Variants in GRB2 observed in about 807,000 individuals in gnomAD.
The protein encoded by GRB2 is growth factor receptor-bound protein 2.
In GRB2, 2 loss-of-function variants were observed where a neutral mutation model predicts 27.4. The observed-to-expected ratio is 0.07, with a 90% CI of 0.03 to 0.23. The LOEUF (loss-of-function observed/expected upper bound fraction) is 0.23. Among genes scored for constraint, GRB2 ranks in the 10% least tolerant of loss-of-function variants. The pLI, the probability that GRB2 is intolerant of heterozygous loss-of-function variation, is 1.00. For synonymous variants in GRB2, 94 were observed against 99.6 expected, an observed-to-expected ratio of 0.94 and a Z score of 0.33; for missense variants, 102 against 282.4, an observed-to-expected ratio of 0.36 and a Z score of 4.58.
At chr17:75,384,585 G>A (rs1349523893) in intron 2 of GRB2, among the ~76,000 whole-genome samples, 2 of 152,102 alleles carry the variant, frequency 1.3e-5, no homozygotes, top group Non-Finnish European at 2.9e-5. Flanking sequence ...CAGGAGAATC[G>A]CTTGAACCCG....
chr17:75,339,488 T>C (rs1361676174), intron 2 of GRB2, among the ~76,000 whole-genome samples: 2 of 152,072 alleles, frequency 1.3e-5, no homozygotes, highest in Non-Finnish European at 2.9e-5. Context: ...TATATATATA[T>C]GTACAAGTCA....
At chr17:75,354,317 T>C (rs1457212589) in intron 2 of GRB2, among the ~76,000 whole-genome samples, 1 of 144,926 alleles carries the variant, frequency 6.9e-6, no homozygotes, top group African/African-American at 2.7e-5. Context: ...TGCAGTGCAA[T>C]GGTGCGATCT....
rs2078438550 is a variant in GRB2, at chr17:75,319,198, G to C, written c.*1170C>G. On this transcript the variant is annotated 3_prime_UTR_variant, in exon 6 of 6. Transcript: ENST00000316804. ...ACGCCTCACCTTCCACTCCTGCTTT[G>C]TCTCCTTTGCTCTACCCTGGCTCCC... 6.7e-6 allele frequency: 1 copy of C among 149,864 alleles called. No homozygotes were observed. Among genetic ancestry groups the C allele is most frequent in the African/African-American group, 2.5e-5 (1 of 40,592 alleles). 9.3% of individuals were successfully genotyped at this position (149,864 alleles called of 1,614,324 possible).
chr17:75,362,355 T>C (rs2078788495), intron 2 of GRB2, among the ~76,000 whole-genome samples: 1 of 152,234 alleles, frequency 6.6e-6, no homozygotes, highest in Non-Finnish European at 1.5e-5. Flanking sequence ...TATCTGTGCT[T>C]TATGCATGAA....
chr17:75,359,332 C>T (rs2078762616), intron 2 of GRB2, among the ~76,000 whole-genome samples: 1 of 151,040 alleles, frequency 6.6e-6, no homozygotes, highest in African/African-American at 2.4e-5. Context: ...AAAAGTGAGA[C>T]CCATGTCTAC....
rs2078436170 is a variant in GRB2 at position 75,318,957 on chromosome 17, G to A, written c.*1411C>T. 1 of 152,340 alleles carries A rather than the reference G, an allele frequency of 6.6e-6. No homozygotes were observed. Among genetic ancestry groups the A allele is most frequent in the African/African-American group, 2.4e-5 (1 of 41,344 alleles). 9.4% of individuals were successfully genotyped at this position (152,340 alleles called of 1,614,324 possible). A position where few individuals can be genotyped will look rare whatever the true frequency, so the allele number is the denominator to read the frequency against. ...AGGGGTGCATATAGGGAGGGGGCGGGGGCCACAACCCCCGAGACGGTGAGG... is the reference window on the plus strand; with the variant it reads ...AGGGGTGCATATAGGGAGGGGGCGGAGGCCACAACCCCCGAGACGGTGAGG... On this transcript the variant is annotated 3_prime_UTR_variant, in exon 6 of 6. Transcript: ENST00000316804.
intron 2 of GRB2, among the ~76,000 whole-genome samples, chr17:75,383,048 C>T (rs752871385): frequency 5.9e-5 from 9 of 152,266 alleles, no homozygotes; most frequent in African/African-American, 9.6e-5. Flanking sequence ...GGGAAAAACA[C>T]GCCTATTCTC....
At chr17:75,338,264 C>A (rs933277422) in intron 2 of GRB2, among the ~76,000 whole-genome samples, 5 of 152,036 alleles carry the variant, frequency 3.3e-5, no homozygotes, top group Non-Finnish European at 7.4e-5. Flanking sequence ...GGGGTTTCAC[C>A]ATGTTGGCCA....
intron 2 of GRB2, among the ~76,000 whole-genome samples, chr17:75,354,925 A>G (rs866434639): frequency 8.5e-5 from 13 of 152,318 alleles, no homozygotes; most frequent in South Asian, 4.1e-4. Context: ...GCACTTCGGG[A>G]GTCTCCCAAG....
chr17:75,390,952 ACAACTAATACCCT>A (rs2078994486), intron 2 of GRB2, among the ~76,000 whole-genome samples: 1 of 152,230 alleles, frequency 6.6e-6, no homozygotes, highest in Non-Finnish European at 1.5e-5. Context: ...GTTTTGGCTT[ACAACTAATACCCT>A]CAAGACGTCC....
At chr17:75,396,572 G>A (rs1387797874) in intron 1 of GRB2, among the ~76,000 whole-genome samples, 1 of 152,026 alleles carries the variant, frequency 6.6e-6, no homozygotes, top group African/African-American at 2.4e-5. Context: ...TGTAAAATGA[G>A]AATAATATCT....
intron 2 of GRB2, among the ~76,000 whole-genome samples, chr17:75,385,576 A>G (rs1311331164): frequency 2.0e-5 from 3 of 152,182 alleles, no homozygotes; most frequent in African/African-American, 7.2e-5. Flanking sequence ...GAAAAGAACA[A>G]AAGAACATAA....
intron 2 of GRB2, among the ~76,000 whole-genome samples, chr17:75,353,019 A>G (rs9898765): frequency 0.65 from 98,215 of 151,382 alleles, 38,214 homozygotes; most frequent in East Asian, 0.91. Flanking sequence ...CCCTGTCTCT[A>G]CTAAAAATAC....
chr17:75,324,027 G>C (rs1312498936), intron 4 of GRB2, among the ~76,000 whole-genome samples: 1 of 151,352 alleles, frequency 6.6e-6, no homozygotes, highest in Admixed American at 6.6e-5. Context: ...GGTCAGGCTG[G>C]TCTCAAACTC....
chr17:75,357,015 A>T (rs144953527), intron 2 of GRB2, among the ~76,000 whole-genome samples: 96 of 152,324 alleles, frequency 6.3e-4, no homozygotes, highest in African/African-American at 2.2e-3. Context: ...CCCAAATGGA[A>T]CACTTTTCAC....
chr17:75,368,470 C>G lies in GRB2; in HGVS notation c.78+25081G>C, dbSNP rs938380869. 4.4e-4 allele frequency among the ~76,000 whole-genome samples: 67 copies of G among 151,496 alleles called. No homozygotes were observed. In the Middle Eastern group the frequency reaches 0.01, roughly 23 times the overall value. ...CAAACTCTTGACCTCGTGATCCATCCGCCTCAGCCTCCAAAGTGCTGGGAT... is the reference window on the plus strand; with the variant it reads ...CAAACTCTTGACCTCGTGATCCATCGGCCTCAGCCTCCAAAGTGCTGGGAT... On this transcript the variant is annotated intron_variant, in intron 2 of 5. Transcript: ENST00000316804.
chr17:75,330,052 C>A (rs1356844169), intron 3 of GRB2, among the ~76,000 whole-genome samples: 1 of 152,032 alleles, frequency 6.6e-6, no homozygotes, highest in East Asian at 1.9e-4. Context: ...TGGCTTGCTG[C>A]AAGCTCTAAC....
intron 2 of GRB2, among the ~76,000 whole-genome samples, chr17:75,365,415 T>C (rs1226445053): frequency 6.6e-6 from 1 of 152,210 alleles, no homozygotes; most frequent in African/African-American, 2.4e-5. Context: ...TACTTTGCTA[T>C]AAATAATGGT....
intron 3 of GRB2, among the ~76,000 whole-genome samples, chr17:75,330,265 C>T (rs946913332): frequency 6.6e-6 from 1 of 151,732 alleles, no homozygotes; most frequent in African/African-American, 2.4e-5. Context: ...GCCTGTAATC[C>T]CAGCTACTCA....
Sources: gnomAD v4.1 joint callset for allele counts (sites outside exome capture counted in the v4.1 genomes callset) on GRCh38, gnomAD v4.1.1 for gene constraint, MANE v1.5 for transcripts, NCBI Gene and HGNC (gene_info 2026-07-23, HGNC 2026-07-21) for gene names.